Variants in ZAN observed in about 807,000 individuals in gnomAD.
ZAN encodes zonadhesin (gene/pseudogene).
In ZAN, 260 loss-of-function variants were observed where a neutral mutation model predicts 286.2. The ratio of observed to expected loss-of-function variants is 0.91; its 90% CI spans 0.82 to 1.01. The LOEUF (loss-of-function observed/expected upper bound fraction) is 1.01, where lower values mean the gene tolerates loss of function less well. Ranked by LOEUF, ZAN falls within the 50% of genes least tolerant of loss-of-function variation. The pLI, the probability that ZAN is intolerant of heterozygous loss-of-function variation, is 0.00. For missense variants in ZAN, 3,410 were observed against 3,639.2 expected, an observed-to-expected ratio of 0.94 and a Z score of 1.62; for synonymous variants, 1,368 against 1,417.5, an observed-to-expected ratio of 0.97 and a Z score of 0.79.
intron 15 of ZAN, among the ~76,000 whole-genome samples, chr7:100,757,254 G>A (rs1288685036): frequency 1.3e-5 from 2 of 151,864 alleles, no homozygotes; most frequent in African/African-American, 2.4e-5. Context: ...GCCTCCCAAA[G>A]TGCTGGGATT....
Position 100,767,982 on chromosome 7 carries a change from C to G in ZAN, c.5012C>G (p.Ser1671Cys). ...SHLVEVTVPS[S>C]YGGQLCGLCG... ...TTGGTGGAAGTGACAGTCCCCTCCT[C>G]CTATGGCGGCCAGCTCTGTGGGCTG... Residue 1671 changes from serine to cysteine, a missense_variant, in exon 26 of 48, where the codon TCC becomes TGC. Around this residue, in one of 7 missense-constraint regions of ZAN, gnomAD observed 1,042 missense variants for 1,058.0 expected, o/e 0.98. Transcript: ENST00000613979. 6.2e-7 allele frequency: 1 copy of G among 1,613,664 alleles called. No homozygotes were observed. The highest frequency in any genetic ancestry group is 1.7e-4 in the Middle Eastern group (1 of 6,058).
intron 38 of ZAN, among the ~76,000 whole-genome samples, chr7:100,788,411 A>T (rs1811719599): frequency 6.6e-6 from 1 of 151,990 alleles, no homozygotes; most frequent in East Asian, 1.9e-4. Flanking sequence ...AATGAGCTGG[A>T]TATGGGGGCG....
chr7:100,794,682 G>T (rs1263052588), intron 44 of ZAN, among the ~76,000 whole-genome samples: 1 of 151,800 alleles, frequency 6.6e-6, no homozygotes, highest in Admixed American at 6.6e-5. Context: ...AAAAATTAAA[G>T]AAAAAAAGAG....
intron 37 of ZAN, among the ~76,000 whole-genome samples, chr7:100,787,631 C>T (rs566712811): frequency 1.9e-4 from 29 of 152,130 alleles, no homozygotes; most frequent in South Asian, 6.2e-4. Context: ...GCGATCTCGG[C>T]GCTCACTACA....
chr7:100,760,731 G>A (rs1030285346), intron 19 of ZAN, among the ~76,000 whole-genome samples, 195 bp downstream of exon 19: 6 of 152,110 alleles, frequency 3.9e-5, no homozygotes, highest in African/African-American at 1.4e-4. Context: ...AGGAGAAAAT[G>A]GTTTCGGGGC....
intron 9 of ZAN, 92 bp downstream of exon 9, chr7:100,747,733 G>A (rs2115756468): frequency 7.9e-7 from 1 of 1,268,424 alleles, no homozygotes; most frequent in Non-Finnish European, 1.1e-6. Context: ...GCTCATGCCT[G>A]TATTCCCAAT....
intron 14 of ZAN, among the ~76,000 whole-genome samples, chr7:100,754,793 T>C (rs1809028662): frequency 6.6e-6 from 1 of 151,930 alleles, no homozygotes. Context: ...CCTCCCAAAG[T>C]CTTGGGATTA....
rs1014684224 is a variant in ZAN, at chr7:100,746,802, T to C, written c.931+100T>C. ...GGGCATCCCTCAGGGTCTAGGGAGG[T>C]CTGGAATATGTGCGAGACTATTCCA... On this transcript the variant is annotated intron_variant, in intron 8 of 47. Coordinates refer to ENST00000613979, the MANE Select transcript of ZAN (RefSeq NM_003386.3). 8 of 1,386,282 alleles carry C rather than the reference T, an allele frequency of 5.8e-6. No homozygotes were observed. In the African/African-American group the frequency reaches 1.2e-4, roughly 20 times the overall value. 85.9% of individuals were successfully genotyped at this position (1,386,282 alleles called of 1,614,324 possible). A position where few individuals can be genotyped will look rare whatever the true frequency, so the allele number is the denominator to read the frequency against.
In ZAN at chr7:100,775,785, C is replaced by T. The variant is rs765303697; in HGVS notation, c.6144C>T (p.Asp2048=). 1.9e-5 allele frequency: 30 copies of T among 1,613,768 alleles called. No individual in the cohort carries two copies. Among genetic ancestry groups the T allele is most frequent in the East Asian group, 2.2e-5 (1 of 44,896 alleles). The change falls in exon 33 of 48, where the codon GAC becomes GAT. Residue 2048 remains aspartate, a synonymous_variant. Coordinates refer to ENST00000613979, the MANE Select transcript of ZAN (RefSeq NM_003386.3). ...AGATCGGGGTGCAAGTCAAGTTTGA[C>T]GGGAATCATCTCTTAGAGATTGAAA... is the stretch of plus-strand genomic sequence containing the variant. ...NIKIGVQVKF[D]GNHLLEIEIP...
At chr7:100,743,363 C>A (rs1483346561) in intron 7 of ZAN, among the ~76,000 whole-genome samples, 2 of 152,022 alleles carry the variant, frequency 1.3e-5, no homozygotes, top group African/African-American at 4.8e-5. Flanking sequence ...TCCCTAGCTT[C>A]TTTCCACCAC....
At position 100,748,430 on chromosome 7, in the gene ZAN, C is replaced by G. The variant is rs79163323; in HGVS notation, c.1209C>G (p.Pro403=). 1 of 1,613,676 alleles carries G rather than the reference C, an allele frequency of 6.2e-7. No homozygotes were observed. The highest frequency in any genetic ancestry group is 1.1e-5 in the South Asian group (1 of 91,040). Residue 403 remains proline, a synonymous_variant, in exon 11 of 48, where the codon CCC becomes CCG. Coordinates refer to ENST00000613979, the MANE Select transcript of ZAN (RefSeq NM_003386.3). ...GGGCCCTCGGACATAAAAATGGACC[C>G]GTCCATGGCATGGGCCCTGCGGGAG... ...GHWALGHKNG[P]VHGMGPAGGF... is the part of the protein sequence containing the mutation.
At chr7:100,773,936 C>T in intron 31 of ZAN, 71 bp downstream of exon 31, 2 of 1,530,592 alleles carry the variant, frequency 1.3e-6, no homozygotes, top group Non-Finnish European at 1.8e-6. Context: ...CAACAGACTC[C>T]CTGCTGCCTG....
In ZAN at chr7:100,739,563, C is replaced by T. The variant is rs538182568; in HGVS notation, c.766+950C>T. The stretch of plus-strand genomic sequence containing the variant: ...ATCCCAGCGCTTTGGGAAGCTGAGA[C>T]GGGAGGATCACCTCAAGTGATCTGC... On this transcript the variant is annotated intron_variant, in intron 7 of 47. Coordinates refer to ENST00000613979, the MANE Select transcript of ZAN (RefSeq NM_003386.3). Among the ~76,000 whole-genome samples the T allele has an allele frequency of 3.6e-4, 49 of 135,614 alleles. 4 individuals carry two copies. In the South Asian group the frequency reaches 0.011, roughly 31 times the overall value. The allele number at this position is 135,614 out of a possible 152,430, so 89.0% of individuals were successfully genotyped here.
At chr7:100,790,249 G>C (rs1322819164) in intron 39 of ZAN, among the ~76,000 whole-genome samples, 1 of 152,002 alleles carries the variant, frequency 6.6e-6, no homozygotes, top group Non-Finnish European at 1.5e-5. Context: ...GGGCAACAGA[G>C]CAAGACCCTG....
At chr7:100,741,087 C>T (rs1291242812) in intron 7 of ZAN, among the ~76,000 whole-genome samples, 1 of 59,992 alleles carries the variant, frequency 1.7e-5, no homozygotes. Context: ...CCGGACGGGG[C>T]GGCTGGCCGG....
chr7:100,750,945 T>A, intron 12 of ZAN, 49 bp downstream of exon 12: 1 of 1,513,174 alleles, frequency 6.6e-7, no homozygotes, highest in Non-Finnish European at 8.8e-7. Context: ...AGAGGGCCAA[T>A]GCCTGGGATC....
At chr7:100,795,734 G>A (rs940502655) in intron 45 of ZAN, among the ~76,000 whole-genome samples, 1 of 151,480 alleles carries the variant, frequency 6.6e-6, no homozygotes, top group Admixed American at 6.6e-5. Context: ...GTGAAACCCC[G>A]TCTCTACTAA....
At chr7:100,750,336 C>T (rs1186132867) in intron 11 of ZAN, among the ~76,000 whole-genome samples, 1 of 152,024 alleles carries the variant, frequency 6.6e-6, no homozygotes, top group South Asian at 2.1e-4. Context: ...GGGGTTTCAC[C>T]ATGTTGGCCA....
rs1195923371 is a variant in ZAN, at chr7:100,738,342, CA to C, written c.614-118del. 3.9e-5 allele frequency: 39 copies of C among 995,282 alleles called. 5 individuals carry two copies. The East Asian group carries it at 1.0e-3, about 26-fold the overall frequency. 61.7% of individuals were successfully genotyped at this position (995,282 alleles called of 1,614,324 possible). ...TTGAGGTGGGAGGACCGCTTGAGTC[CA>C]GGAGTTCGAGGCCGCAGTGAGCTAT... On this transcript the variant is annotated intron_variant, in intron 6 of 47. Coordinates refer to ENST00000613979, the MANE Select transcript of ZAN (RefSeq NM_003386.3).
Sources: gnomAD v4.1 joint callset for allele counts (sites outside exome capture counted in the v4.1 genomes callset) on GRCh38, gnomAD v4.1.1 for gene constraint, gnomAD v4.1.1 regional missense constraint, MANE v1.5 for transcripts, NCBI Gene and HGNC (gene_info 2026-07-23, HGNC 2026-07-21) for gene names.